LIPI: variants seen among roughly 807,000 people sequenced by gnomAD.
LIPI encodes lipase I, also known as lipase member I.
Under a neutral mutation model 50.6 loss-of-function variants are expected in LIPI, and 59 were observed. That is an observed-to-expected ratio of 1.16 (90% CI 0.94 to 1.45). The LOEUF (loss-of-function observed/expected upper bound fraction) is 1.45. LIPI is among the 40% of genes most tolerant of loss of function. The pLI is 0.00. For missense variants in LIPI, 586 were observed against 536.3 expected (o/e 1.09, Z -0.92); for synonymous variants, 203 against 178.2 (o/e 1.14, Z -1.11).
chr21:14,172,504 G>A (rs1218670341), intron 4 of LIPI, among the ~76,000 whole-genome samples: 1 of 150,804 alleles, frequency 6.6e-6, no homozygotes, highest in African/African-American at 2.4e-5. Flanking sequence ...AAGAAAATGT[G>A]GCACATATAC....
intron 6 of LIPI, 42 bp from the exon 7 acceptor site, chr21:14,163,565 C>T (rs755081955): frequency 1.1e-6 from 1 of 944,028 alleles, no homozygotes; most frequent in Admixed American, 1.7e-5. Context: ...GGATTTCCAT[C>T]AAATAACAAA....
At chr21:14,138,916 A>T (rs1447180808) in intron 9 of LIPI, among the ~76,000 whole-genome samples, 1 of 152,122 alleles carries the variant, frequency 6.6e-6, no homozygotes. Flanking sequence ...TCTTCTTAAC[A>T]ATTCTGCAAA....
chr21:14,191,725 T>C (rs2019684274), intron 1 of LIPI, among the ~76,000 whole-genome samples: 1 of 152,182 alleles, frequency 6.6e-6, no homozygotes, highest in African/African-American at 2.4e-5. Context: ...CTTGTTCCAC[T>C]CCTTGATATG....
chr21:14,142,635 A>G (rs1259198038), intron 9 of LIPI, among the ~76,000 whole-genome samples: 1 of 151,212 alleles, frequency 6.6e-6, no homozygotes, highest in African/African-American at 2.4e-5. Context: ...GGCACGCACC[A>G]TCATGCATGG....
At position 14,180,277 on chromosome 21, in the gene LIPI, T is replaced by A. The variant is rs190736516; in HGVS notation, c.643+1481A>T. ...ATGCACTGCTGAACATAGAACCTTA[T>A]CAATATTTCTGCTTTTTGCCCTTTG... is the stretch of plus-strand genomic sequence containing the variant. On this transcript the variant is annotated intron_variant, in intron 4 of 9. Coordinates refer to ENST00000681601, the MANE Select transcript of LIPI (RefSeq NM_001302998.2). Among the ~76,000 whole-genome samples the A allele has an allele frequency of 2.3e-3, 352 of 152,262 alleles. 3 individuals carry two copies. Among genetic ancestry groups the A allele is most frequent in the Non-Finnish European group, 2.7e-3 (182 of 68,002 alleles).
chr21:14,192,968 A>T (rs956767057), intron 1 of LIPI, among the ~76,000 whole-genome samples: 2 of 152,204 alleles, frequency 1.3e-5, no homozygotes, highest in Non-Finnish European at 2.9e-5. Flanking sequence ...ACAAATAAAA[A>T]CAGTTTTGCT....
rs2018498806 is a variant in LIPI, at chr21:14,161,807, GTATAATATATACAAATA to G, written c.1006+1595_1006+1611del. ...AATATATACATTATTATATATTAATGTATAATATATACAAATATATATTAATATATAATATATACATT... is the reference window on the plus strand; with the variant it reads ...AATATATACATTATTATATATTAATGTATATTAATATATAATATATACATT... On this transcript the variant is annotated intron_variant, in intron 7 of 9. Transcript: ENST00000681601. Among the ~76,000 whole-genome samples the G allele has an allele frequency of 4.1e-4, 13 of 31,932 alleles. 1 individual carries two copies. Among genetic ancestry groups the G allele is most frequent in the Admixed American group, 1.4e-3 (2 of 1,452 alleles). The allele number at this position is 31,932 out of a possible 152,430, so 20.9% of individuals were successfully genotyped here. A position where few individuals can be genotyped will look rare whatever the true frequency, so the allele number is the denominator to read the frequency against.
intron 9 of LIPI, among the ~76,000 whole-genome samples, chr21:14,140,202 T>C (rs192793434): frequency 4.6e-5 from 7 of 152,104 alleles, no homozygotes; most frequent in Admixed American, 2.6e-4. Flanking sequence ...ACTTAGTGAG[T>C]TTGTAGCAGT....
intron 4 of LIPI, among the ~76,000 whole-genome samples, chr21:14,171,271 G>C (rs969008930): frequency 1.4e-5 from 2 of 146,602 alleles, no homozygotes; most frequent in Non-Finnish European, 3.0e-5. Context: ...AATCAATATC[G>C]TGAAAATGGC....
At chr21:14,119,778 A>G (rs1353986262) in intron 9 of LIPI, among the ~76,000 whole-genome samples, 1 of 152,190 alleles carries the variant, frequency 6.6e-6, no homozygotes, top group Non-Finnish European at 1.5e-5. Flanking sequence ...ATTGGCCTGT[A>G]GCATATTTGT....
At position 14,189,110 on chromosome 21, in the gene LIPI, G is replaced by T; in HGVS notation, c.356C>A (p.Thr119Asn). The T allele has an allele frequency of 6.2e-7, 1 of 1,613,150 alleles. No individual in the cohort carries two copies. Among genetic ancestry groups the T allele is most frequent in the Non-Finnish European group, 8.5e-7 (1 of 1,179,902 alleles). Residue 119 changes from threonine (T) to asparagine (N), a missense_variant, in exon 2 of 10, where the codon ACT becomes AAT. Physicochemically the swap from Thr to Asn is moderately conservative, Grantham distance 65. Coordinates refer to ENST00000681601, the MANE Select transcript of LIPI (RefSeq NM_001302998.2). ...TTTAACTGCTCTATTATAAATAAAAGTTGTAGCACCCCGGCTCCAGTCTAC... is the reference window on the plus strand; with the variant it reads ...TTTAACTGCTCTATTATAAATAAAATTTGTAGCACCCCGGCTCCAGTCTAC... ...IVVDWSRGATTFIYNRAVKNT... is the reference protein window; with the variant it reads ...IVVDWSRGATNFIYNRAVKNT...
chr21:14,206,965 C>A, intron 1 of LIPI: 1 of 1,298,818 alleles, frequency 7.7e-7, no homozygotes, highest in South Asian at 1.2e-5. Context: ...TTTGTTTATT[C>A]ATGTATAATA....
At chr21:14,142,761 G>A (rs2017760416) in intron 9 of LIPI, among the ~76,000 whole-genome samples, 1 of 151,708 alleles carries the variant, frequency 6.6e-6, no homozygotes, top group Non-Finnish European at 1.5e-5. Context: ...TGGGATTACA[G>A]GCGTGAGCCA....
At chr21:14,118,139 C>T (rs768455052) in intron 9 of LIPI, among the ~76,000 whole-genome samples, 4 of 151,988 alleles carry the variant, frequency 2.6e-5, no homozygotes, top group Non-Finnish European at 5.9e-5. Flanking sequence ...AGCCCCCTTC[C>T]GTCACTGGGC....
intron 3 of LIPI, among the ~76,000 whole-genome samples, chr21:14,183,113 G>C (rs1025108274): frequency 1.3e-5 from 2 of 152,160 alleles, no homozygotes; most frequent in African/African-American, 4.8e-5. Flanking sequence ...CATGGTACTG[G>C]TACCAAAACA....
chr21:14,152,445 A>C, intron 8 of LIPI, 128 bp downstream of exon 8: 1 of 606,904 alleles, frequency 1.6e-6, no homozygotes, highest in Non-Finnish European at 3.0e-6. Context: ...AGATCCTTTT[A>C]ATATTTAACA....
intron 1 of LIPI, among the ~76,000 whole-genome samples, chr21:14,204,752 A>C (rs1490806350): frequency 6.6e-6 from 1 of 151,984 alleles, no homozygotes; most frequent in East Asian, 1.9e-4. Flanking sequence ...TAGGATAATT[A>C]TTTGATTCTA....
intron 9 of LIPI, among the ~76,000 whole-genome samples, chr21:14,137,242 G>C (rs2017532109): frequency 6.6e-6 from 1 of 151,982 alleles, no homozygotes; most frequent in African/African-American, 2.4e-5. Flanking sequence ...AACTAAATAA[G>C]GCACCAGTAA....
At chr21:14,168,549 G>A (rs2018776247) in intron 4 of LIPI, among the ~76,000 whole-genome samples, 1 of 152,178 alleles carries the variant, frequency 6.6e-6, no homozygotes, top group African/African-American at 2.4e-5. Context: ...GAGAGAGTGG[G>A]GGCCGATATT....
Sources: allele counts gnomAD v4.1 joint callset (sites outside exome capture counted in the v4.1 genomes callset), GRCh38; gene constraint gnomAD v4.1.1; transcripts MANE v1.5; gene names NCBI Gene and HGNC (gene_info 2026-07-23, HGNC 2026-07-21).